The following KHDC1 variants were observed in gnomAD, a reference collection of about 807,000 sequenced individuals.
KHDC1 encodes the protein KH homology domain-containing protein 1.
Under a neutral mutation model 24.7 loss-of-function variants are expected in KHDC1, and 21 were observed. The ratio of observed to expected loss-of-function variants is 0.85; its 90% CI spans 0.60 to 1.23. KHDC1 has a LOEUF of 1.23. Among genes scored for constraint, KHDC1 ranks in the 50% most tolerant of loss-of-function variants. The pLI is 0.00. For synonymous variants in KHDC1, 98 were observed against 111.7 expected, an observed-to-expected ratio of 0.88 and a Z score of 0.77; for missense variants, 274 against 298.5, an observed-to-expected ratio of 0.92 and a Z score of 0.61.
chr6:73,263,094 G>A (rs1483081899), intron 2 of KHDC1: 6 of 1,023,088 alleles, frequency 5.9e-6, no homozygotes, highest in Non-Finnish European at 7.0e-6. Flanking sequence ...CTGCAGGCCT[G>A]GCCGATTGTG....
At chr6:73,262,968 G>A (rs911142904) in intron 2 of KHDC1, 11 of 996,074 alleles carry the variant, frequency 1.1e-5, no homozygotes, top group Non-Finnish European at 1.3e-5. Flanking sequence ...AGGTAGCCAA[G>A]GCTGGGCTTT....
At chr6:73,261,439 AT>A (rs1582560603) in intron 2 of KHDC1, among the ~76,000 whole-genome samples, 1 of 151,702 alleles carries the variant, frequency 6.6e-6, no homozygotes, top group East Asian at 1.9e-4. Context: ...GTCTCAAAAA[AT>A]AAATAAATAA....
chr6:73,261,684 C>T (rs901027483), intron 2 of KHDC1, among the ~76,000 whole-genome samples: 6 of 150,972 alleles, frequency 4.0e-5, no homozygotes, highest in Non-Finnish European at 5.9e-5. Flanking sequence ...GAGGCCAAGG[C>T]GGGTGGATCA....
chr6:73,309,430 C>CT, intron 1 of KHDC1: 1 of 951,044 alleles, frequency 1.1e-6, no homozygotes, highest in Non-Finnish European at 1.5e-6. Context: ...ATTTGCAGAA[C>CT]TGTCCTAGGC....
intron 2 of KHDC1, among the ~76,000 whole-genome samples, chr6:73,282,510 C>T (rs920876159): frequency 2.6e-5 from 4 of 152,062 alleles, no homozygotes; most frequent in African/African-American, 9.7e-5. Context: ...AGCCCTTTCC[C>T]AAAACAAACC....
chr6:73,244,067 C>A (rs148787456), intron 2 of KHDC1, among the ~76,000 whole-genome samples: 1 of 152,106 alleles, frequency 6.6e-6, no homozygotes, highest in East Asian at 1.9e-4. Flanking sequence ...CCATACTTGC[C>A]TCATTTTAGG....
At chr6:73,305,169 C>T (rs1332798100) in intron 1 of KHDC1, among the ~76,000 whole-genome samples, 1 of 151,996 alleles carries the variant, frequency 6.6e-6, no homozygotes, top group East Asian at 1.9e-4. Flanking sequence ...ACCTGGGAAG[C>T]AGAGGTTGCA....
intron 2 of KHDC1, chr6:73,274,431 G>A (rs1767240954): frequency 1.3e-5 from 2 of 151,970 alleles, no homozygotes; most frequent in East Asian, 3.9e-4. Context: ...TGCCTTATAT[G>A]GTTTGGCTCT....
At chr6:73,299,362 G>A (rs1167589861) in intron 1 of KHDC1, 1 of 152,282 alleles carries the variant, frequency 6.6e-6, no homozygotes, top group Non-Finnish European at 1.5e-5. Context: ...CAGCAGCCAA[G>A]TTAAACGCAC....
At chr6:73,292,803 C>CAT in intron 1 of KHDC1, 1 of 708,124 alleles carries the variant, frequency 1.4e-6, no homozygotes, top group Non-Finnish European at 2.7e-6. Flanking sequence ...GAGTCTTACA[C>CAT]ATATAAAGAC....
chr6:73,260,443 GTTTA>G (rs1766960063), intron 2 of KHDC1, among the ~76,000 whole-genome samples: 2 of 152,188 alleles, frequency 1.3e-5, no homozygotes, highest in East Asian at 1.9e-4. Flanking sequence ...TATTACCATA[GTTTA>G]TTTACCTGCT....
At chr6:73,305,067 A>G (rs900546715) in intron 1 of KHDC1, among the ~76,000 whole-genome samples, 2 of 152,038 alleles carry the variant, frequency 1.3e-5, no homozygotes, top group East Asian at 3.9e-4. Context: ...GTGAAACTTC[A>G]TCTATACTAA....
At chr6:73,292,232 A>G in intron 1 of KHDC1, 1 of 1,411,570 alleles carries the variant, frequency 7.1e-7, no homozygotes, top group Non-Finnish European at 1.0e-6. Context: ...AACAGAACTA[A>G]TTGTGAAAAT....
intron 1 of KHDC1, among the ~76,000 whole-genome samples, chr6:73,304,627 C>A (rs1767929436): frequency 6.6e-6 from 1 of 152,136 alleles, no homozygotes; most frequent in South Asian, 2.1e-4. Context: ...CCTTTTATAT[C>A]TTCTGAATTT....
intron 1 of KHDC1, among the ~76,000 whole-genome samples, chr6:73,296,158 A>AAC (rs919002895): frequency 2.1e-5 from 3 of 145,156 alleles, no homozygotes; most frequent in East Asian, 2.1e-4. Flanking sequence ...CTAAAAAGAA[A>AAC]ACACACACAC....
At chr6:73,302,879 C>A (rs1767901962) in intron 1 of KHDC1, among the ~76,000 whole-genome samples, 1 of 152,114 alleles carries the variant, frequency 6.6e-6, no homozygotes, top group Non-Finnish European at 1.5e-5. Context: ...GAGTTTGAGA[C>A]CAGCCTAGCC....
chr6:73,293,534 C>A (rs996257974), intron 1 of KHDC1, among the ~76,000 whole-genome samples: 1 of 152,226 alleles, frequency 6.6e-6, no homozygotes, highest in African/African-American at 2.4e-5. Context: ...GATCCCCGCA[C>A]TTTGGGAGGC....
At chr6:73,242,215 G>T (rs1766585298) in exon 4 of KHDC1, 1 of 1,613,510 alleles carries the variant, frequency 6.2e-7, no homozygotes, top group Non-Finnish European at 8.5e-7. Flanking sequence ...CCTCAATGCA[G>T]CGAAGGTATG....
chr6:73,263,476 G>C (rs1767024343), intron 2 of KHDC1: 1 of 162,142 alleles, frequency 6.2e-6, no homozygotes, highest in Non-Finnish European at 1.3e-5. Flanking sequence ...TGGGGACCCA[G>C]GCTGTGGGGC....
Sources: allele counts gnomAD v4.1 joint callset (sites outside exome capture counted in the v4.1 genomes callset), GRCh38; gene constraint gnomAD v4.1.1; transcripts MANE v1.5; gene names NCBI Gene and HGNC (gene_info 2026-07-23, HGNC 2026-07-21).